The following VPS13B variants were observed in gnomAD, a reference collection of about 807,000 sequenced individuals.
VPS13B encodes vacuolar protein sorting 13 homolog B.
VPS13B carries 285 observed loss-of-function variants against 426.4 expected under a neutral mutation model. That is an observed-to-expected ratio of 0.67 (90% CI 0.61 to 0.74). The LOEUF (loss-of-function observed/expected upper bound fraction) is 0.74, where lower values mean the gene tolerates loss of function less well. Ranked by LOEUF, VPS13B falls within the 30% of genes least tolerant of loss-of-function variation. The pLI is 0.00. For synonymous variants in VPS13B, 1,676 were observed against 1,676.4 expected (o/e 1.00, Z 0.01); for missense variants, 4,537 against 4,782.6 (o/e 0.95, Z 1.51).
At chr8:99,715,550 GATA>G (rs1169990041) in intron 36 of VPS13B, among the ~76,000 whole-genome samples, 1 of 152,188 alleles carries the variant, frequency 6.6e-6, no homozygotes, top group Non-Finnish European at 1.5e-5. Flanking sequence ...TGCCTAAAGA[GATA>G]ATAATAACCA....
At chr8:99,794,070 G>C (rs535870212) in intron 43 of VPS13B, among the ~76,000 whole-genome samples, 8 of 152,152 alleles carry the variant, frequency 5.3e-5, no homozygotes, top group African/African-American at 1.7e-4. Flanking sequence ...GACTAGCCAG[G>C]GGCAACATAG....
intron 39 of VPS13B, among the ~76,000 whole-genome samples, chr8:99,741,459 G>C (rs200977974): frequency 3.9e-5 from 6 of 152,020 alleles, no homozygotes; most frequent in Middle Eastern, 6.8e-3. Flanking sequence ...GAACTCAGCT[G>C]TGCACCAAGC....
intron 21 of VPS13B, among the ~76,000 whole-genome samples, chr8:99,422,962 A>G (rs968857034): frequency 4.6e-5 from 7 of 152,224 alleles, no homozygotes; most frequent in African/African-American, 1.7e-4. Flanking sequence ...ACTTCGTAAG[A>G]TACCAAAAAT....
chr8:99,567,619 A>T (rs1825252243), intron 31 of VPS13B, among the ~76,000 whole-genome samples: 1 of 152,210 alleles, frequency 6.6e-6, no homozygotes, highest in Non-Finnish European at 1.5e-5. Flanking sequence ...TGTGCACAAG[A>T]TGCTTTATAT....
intron 17 of VPS13B, among the ~76,000 whole-genome samples, chr8:99,225,340 C>T (rs112081206): frequency 0.051 from 7,721 of 151,374 alleles, 218 homozygotes; most frequent in African/African-American, 0.071. Flanking sequence ...AGTGCAGTGG[C>T]GCGATCTCAG....
chr8:99,141,880 T>TAAAA (rs371079413), intron 12 of VPS13B, among the ~76,000 whole-genome samples: 1 of 109,950 alleles, frequency 9.1e-6, no homozygotes, highest in Non-Finnish European at 1.9e-5. Flanking sequence ...CTGTCTCTAC[T>TAAAA]AAAAAAAAAA....
chr8:99,232,835 G>A (rs1816413729), intron 17 of VPS13B, among the ~76,000 whole-genome samples: 1 of 152,164 alleles, frequency 6.6e-6, no homozygotes, highest in Admixed American at 6.5e-5. Flanking sequence ...GGCAGGGCCC[G>A]GAGGTTCTGG....
At chr8:99,648,303 A>G (rs974631176) in intron 34 of VPS13B, among the ~76,000 whole-genome samples, 2 of 152,182 alleles carry the variant, frequency 1.3e-5, no homozygotes, top group African/African-American at 4.8e-5. Flanking sequence ...CATGCCATGG[A>G]GGGTTGTGAA....
Position 99,121,201 on chromosome 8 carries a change from A to G in VPS13B, c.962A>G (p.Asp321Gly). 2 of 1,613,878 alleles carry G rather than the reference A, an allele frequency of 1.2e-6. No homozygotes were observed. The highest frequency in any genetic ancestry group is 1.7e-6 in the Non-Finnish European group (2 of 1,179,900). The change falls in exon 8 of 62, where the codon GAT (aspartate) becomes GGT (glycine). Residue 321 changes from aspartate (D) to glycine (G), a missense_variant. By Grantham distance (94) the Asp-to-Gly change is moderately conservative. Transcript: ENST00000357162. ...ITGSEDETRI[D>G]MQYPAQHKGQ... is the part of the protein sequence containing the mutation. ...GGTTCTGAAGATGAAACAAGAATAG[A>G]TATGCAATATCCTGCTCAGCATAAA...
At chr8:99,398,808 A>G (rs896788753) in intron 21 of VPS13B, among the ~76,000 whole-genome samples, 6 of 141,762 alleles carry the variant, frequency 4.2e-5, no homozygotes, top group African/African-American at 1.4e-4. Flanking sequence ...TTTAGGTGGG[A>G]CAAGTATTTT....
chr8:99,395,033 T>C (rs931551714), intron 21 of VPS13B, among the ~76,000 whole-genome samples: 3 of 152,172 alleles, frequency 2.0e-5, no homozygotes, highest in Admixed American at 2.0e-4. Context: ...TTTCTGGACA[T>C]TGGACAATAG....
intron 15 of VPS13B, among the ~76,000 whole-genome samples, chr8:99,163,743 A>G (rs1453795185): frequency 6.6e-6 from 1 of 152,032 alleles, no homozygotes; most frequent in Admixed American, 6.6e-5. Flanking sequence ...CTGGCCTGCA[A>G]GCGCCGCACA....
intron 21 of VPS13B, among the ~76,000 whole-genome samples, chr8:99,410,744 T>C (rs969936666): frequency 1.3e-5 from 2 of 152,030 alleles, no homozygotes; most frequent in African/African-American, 4.8e-5. Context: ...GGCCAGTGTG[T>C]GATGTTCCCC....
intron 34 of VPS13B, among the ~76,000 whole-genome samples, chr8:99,651,864 TTAAC>T (rs1304652206): frequency 6.6e-6 from 1 of 152,120 alleles, no homozygotes; most frequent in Non-Finnish European, 1.5e-5. Flanking sequence ...CTGAGGGAAT[TTAAC>T]TAACTCCTTA....
At chr8:99,454,998 A>G (rs1168229453) in intron 23 of VPS13B, among the ~76,000 whole-genome samples, 11 of 152,088 alleles carry the variant, frequency 7.2e-5, no homozygotes, top group Admixed American at 6.6e-4. Flanking sequence ...TTTTCTTTGT[A>G]TATTTTGGAT....
At chr8:99,425,518 C>G (rs888199490) in intron 21 of VPS13B, among the ~76,000 whole-genome samples, 21 of 152,144 alleles carry the variant, frequency 1.4e-4, no homozygotes, top group African/African-American at 4.3e-4. Context: ...TTCAACAGCC[C>G]TTCATACTAA....
At chr8:99,523,113 G>A (rs1471719842) in intron 30 of VPS13B, among the ~76,000 whole-genome samples, 1 of 152,158 alleles carries the variant, frequency 6.6e-6, no homozygotes, top group Non-Finnish European at 1.5e-5. Flanking sequence ...GTATATTAGT[G>A]GTTGCCAGGG....
chr8:99,192,851 C>T (rs771513951), intron 16 of VPS13B, 25 bp from the exon 17 acceptor site: 24 of 1,610,432 alleles, frequency 1.5e-5, no homozygotes, highest in African/African-American at 2.7e-5. Context: ...TACTGTATTG[C>T]GATTCTTTCT....
chr8:99,350,795 T>C (rs1237160454), intron 19 of VPS13B, among the ~76,000 whole-genome samples: 1 of 151,606 alleles, frequency 6.6e-6, no homozygotes, highest in African/African-American at 2.4e-5. Context: ...GTAATTATAA[T>C]ATGTATATAT....
Sources: allele counts gnomAD v4.1 joint callset (sites outside exome capture counted in the v4.1 genomes callset), GRCh38; gene constraint gnomAD v4.1.1; transcripts MANE v1.5; gene names NCBI Gene and HGNC (gene_info 2026-07-23, HGNC 2026-07-21).